Variants in N4BP1 observed in about 807,000 individuals in gnomAD.
N4BP1 encodes NEDD4 binding protein 1.
A neutral mutation model predicts 70.9 loss-of-function variants in N4BP1; 21 were observed. That is an observed-to-expected ratio of 0.30 (90% CI 0.21 to 0.43). N4BP1 has a LOEUF of 0.43. N4BP1 is among the 20% of genes least tolerant of loss of function. N4BP1 has a pLI of 1.00. For synonymous variants in N4BP1, 387 were observed against 394.6 expected, an observed-to-expected ratio of 0.98 and a Z score of 0.23; for missense variants, 936 against 1,069.4, an observed-to-expected ratio of 0.88 and a Z score of 1.74.
chr16:48,585,304 G>A (rs951517865), intron 1 of N4BP1, among the ~76,000 whole-genome samples: 12 of 151,624 alleles, frequency 7.9e-5, no homozygotes, highest in Admixed American at 6.6e-5. Flanking sequence ...TACTGATTAG[G>A]TAAGCTAATA....
chr16:48,572,297 C>G (rs1964030017), intron 1 of N4BP1, among the ~76,000 whole-genome samples: 1 of 152,070 alleles, frequency 6.6e-6, no homozygotes, highest in East Asian at 1.9e-4. Flanking sequence ...AAAGGGAAAA[C>G]AAAATACCTA....
chr16:48,580,313 G>A (rs550412168), intron 1 of N4BP1, among the ~76,000 whole-genome samples: 3 of 152,040 alleles, frequency 2.0e-5, no homozygotes, highest in Admixed American at 6.5e-5. Context: ...AATTATACAC[G>A]AACAAATTGG....
chr16:48,608,999 G>A (rs1964630353), intron 1 of N4BP1, among the ~76,000 whole-genome samples: 1 of 150,090 alleles, frequency 6.7e-6, no homozygotes, highest in Non-Finnish European at 1.5e-5. Context: ...AGGATGACTT[G>A]AGTCCAAGAG....
In N4BP1 at chr16:48,542,675, ACTTTC is replaced by A. The variant is rs1963520625; in HGVS notation, c.*224_*228del. The A allele has an allele frequency of 7.1e-6, 3 of 419,706 alleles. No homozygotes were observed. The highest frequency in any genetic ancestry group is 2.0e-5 in the African/African-American group (1 of 49,394). The allele number at this position is 419,706 out of a possible 1,614,324, so 26.0% of individuals were successfully genotyped here. ...AGTTCTGAACAGGCAGAAAATGTAG[ACTTTC>A]CTTTAACAGAAAATGTTAAATCTGT... On this transcript the variant is annotated 3_prime_UTR_variant, in exon 7 of 7. Transcript: ENST00000262384.
At chr16:48,549,431 C>T (rs1963634074) in intron 4 of N4BP1, among the ~76,000 whole-genome samples, 1 of 152,140 alleles carries the variant, frequency 6.6e-6, no homozygotes, top group African/African-American at 2.4e-5. Context: ...CCCAAAAAGC[C>T]GTATCAGCCA....
At chr16:48,584,685 G>A (rs1964218162) in intron 1 of N4BP1, among the ~76,000 whole-genome samples, 1 of 151,846 alleles carries the variant, frequency 6.6e-6, no homozygotes, top group African/African-American at 2.4e-5. Flanking sequence ...TGAGGCAGGA[G>A]GATCATTTGA....
chr16:48,562,060 TCTC>T lies in N4BP1; in HGVS notation c.580_582del (p.Glu194del). On this transcript the variant is annotated inframe_deletion, in exon 2 of 7. Transcript: ENST00000262384. ...TCATCATCTCCTGTTTCAAAGAGAT[TCTC>T]CTCACCTTGTGTGAGTGTCAAAAGT... 1.2e-6 allele frequency: 2 copies of T among 1,613,602 alleles called. No homozygotes were observed.
At chr16:48,548,375 A>G (rs1021958487) in intron 4 of N4BP1, among the ~76,000 whole-genome samples, 2 of 152,248 alleles carry the variant, frequency 1.3e-5, no homozygotes, top group African/African-American at 2.4e-5. Flanking sequence ...AATTTATTCA[A>G]AAGTTGTATT....
intron 3 of N4BP1, among the ~76,000 whole-genome samples, chr16:48,552,126 G>A (rs1963676155): frequency 6.6e-6 from 1 of 152,040 alleles, no homozygotes; most frequent in Non-Finnish European, 1.5e-5. Context: ...GGATAGGAGG[G>A]GCAAATGGTT....
intron 1 of N4BP1, among the ~76,000 whole-genome samples, chr16:48,569,292 G>C (rs1440463519): frequency 1.3e-5 from 2 of 152,178 alleles, no homozygotes; most frequent in Non-Finnish European, 2.9e-5. Context: ...TTTTGTTTTA[G>C]CAGATAGTTG....
At chr16:48,582,309 T>C (rs1964184741) in intron 1 of N4BP1, among the ~76,000 whole-genome samples, 1 of 152,188 alleles carries the variant, frequency 6.6e-6, no homozygotes. Context: ...CTCTAAGCAG[T>C]GCAGTGAAAT....
intron 4 of N4BP1, among the ~76,000 whole-genome samples, chr16:48,548,470 TAA>T (rs2151085492): frequency 6.6e-6 from 1 of 152,362 alleles, no homozygotes; most frequent in Non-Finnish European, 1.5e-5. Flanking sequence ...TATTCAGATT[TAA>T]GTTACTGAGC....
chr16:48,563,875 T>C (rs1963898418), intron 1 of N4BP1, among the ~76,000 whole-genome samples: 2 of 152,196 alleles, frequency 1.3e-5, no homozygotes, highest in South Asian at 4.1e-4. Flanking sequence ...AGCATATCCA[T>C]TTCAAACATT....
Position 48,562,271 on chromosome 16 carries a change from A to G in N4BP1, c.372T>C (p.Ala124=), listed in dbSNP as rs1459284440. 1.9e-6 allele frequency: 3 copies of G among 1,613,848 alleles called. No homozygotes were observed. In the African/African-American group the frequency reaches 4.0e-5, roughly 22 times the overall value. ...DIGLLGIRGS[A]EAVVMARSHI... Reference sequence around the variant, plus strand: ...GACTCCTAGCCATGACCACAGCCTCAGCACTTCCTCTGATGCCAAGAAGGC... The same window carrying G: ...GACTCCTAGCCATGACCACAGCCTCGGCACTTCCTCTGATGCCAAGAAGGC... The change falls in exon 2 of 7, where the codon GCT becomes GCC. Residue 124 remains alanine, a synonymous_variant. Coordinates refer to ENST00000262384, the MANE Select transcript of N4BP1 (RefSeq NM_153029.4).
At chr16:48,602,993 C>T (rs749772034) in intron 1 of N4BP1, among the ~76,000 whole-genome samples, 6 of 151,754 alleles carry the variant, frequency 4.0e-5, no homozygotes, top group Admixed American at 6.6e-5. Context: ...CACACACACA[C>T]GCACGCACAC....
chr16:48,542,948 A>G lies in N4BP1; in HGVS notation c.2647T>C (p.Tyr883His). Residue 883 changes from tyrosine (Y) to histidine (H), a missense_variant, in exon 7 of 7, where the codon TAC (tyrosine) becomes CAC (histidine). Coordinates refer to ENST00000262384, the MANE Select transcript of N4BP1 (RefSeq NM_153029.4). ...KIDQILVAHP[Y>H]MKDLNALSAM... ...GAAAGCGCATTTAGATCTTTCATGT[A>G]TGGGTGGGCCACCAAGATCTGGTCT... 4 of 1,613,572 alleles carry G rather than the reference A, an allele frequency of 2.5e-6. No individual in the cohort carries two copies. Among genetic ancestry groups the G allele is most frequent in the Non-Finnish European group, 3.4e-6 (4 of 1,179,546 alleles).
At chr16:48,596,386 G>A (rs958141802) in intron 1 of N4BP1, among the ~76,000 whole-genome samples, 2 of 152,116 alleles carry the variant, frequency 1.3e-5, no homozygotes, top group Non-Finnish European at 2.9e-5. Context: ...AGCCTGGCTT[G>A]CGTGAGTACA....
chr16:48,597,103 A>G (rs1964426208), intron 1 of N4BP1, among the ~76,000 whole-genome samples: 1 of 152,204 alleles, frequency 6.6e-6, no homozygotes. Context: ...CTGCCAAATT[A>G]TCTTTAAAAC....
intron 6 of N4BP1, among the ~76,000 whole-genome samples, chr16:48,544,299 C>T (rs1255321877): frequency 6.6e-6 from 1 of 152,128 alleles, no homozygotes; most frequent in Non-Finnish European, 1.5e-5. Flanking sequence ...TAGAAGAGAC[C>T]ACCATGTAAA....
Sources: allele counts gnomAD v4.1 joint callset (sites outside exome capture counted in the v4.1 genomes callset), GRCh38; gene constraint gnomAD v4.1.1; transcripts MANE v1.5; gene names NCBI Gene and HGNC (gene_info 2026-07-23, HGNC 2026-07-21).